The following TAS2R1 variants were observed in gnomAD, a reference collection of about 807,000 sequenced individuals.
TAS2R1 encodes the protein taste receptor type 2 member 1.
For synonymous variants in TAS2R1, 141 were observed against 134.2 expected, an observed-to-expected ratio of 1.05 and a Z score of -0.35; for missense variants, 370 against 353.4, an observed-to-expected ratio of 1.05 and a Z score of -0.38.
At chr5:9,736,321 C>A in the TAS2R1 span, among the ~76,000 whole-genome samples, 1 of 152,360 alleles carries the variant, frequency 6.6e-6, no homozygotes, top group East Asian at 1.9e-4. Context: ...AGCAGGACAG[C>A]GTCCCAGCCT....
chr5:9,716,847 G>A (rs77316696), upstream of TAS2R1, among the ~76,000 whole-genome samples: 1,007 of 152,262 alleles, frequency 6.6e-3, 12 homozygotes, highest in African/African-American at 0.022. Flanking sequence ...TTTAGAAGAC[G>A]AGGGTGAGCT....
intron 1 of TAS2R1, among the ~76,000 whole-genome samples, chr5:9,711,787 T>A (rs1487942113): frequency 6.6e-6 from 1 of 152,022 alleles, no homozygotes; most frequent in African/African-American, 2.4e-5. Context: ...CTCAGCCTCC[T>A]GAGTAGCTGG....
At chr5:9,853,838 G>A in the TAS2R1 span, among the ~76,000 whole-genome samples, 14 of 152,144 alleles carry the variant, frequency 9.2e-5, no homozygotes, top group African/African-American at 3.4e-4. Flanking sequence ...GCACATTTGA[G>A]AGCAATTATA....
the TAS2R1 span, among the ~76,000 whole-genome samples, chr5:9,790,256 A>T: frequency 6.6e-6 from 1 of 152,232 alleles, no homozygotes; most frequent in East Asian, 1.9e-4. Context: ...TGCTCCACTG[A>T]TAACACATTT....
chr5:9,693,344 A>G (rs542624508), intron 1 of TAS2R1, among the ~76,000 whole-genome samples: 1 of 152,062 alleles, frequency 6.6e-6, no homozygotes, highest in South Asian at 2.1e-4. Flanking sequence ...TAAAAATACA[A>G]AATTTTTAGT....
the TAS2R1 span, among the ~76,000 whole-genome samples, chr5:9,852,174 C>T: frequency 4.5e-3 from 680 of 152,202 alleles, 8 homozygotes; most frequent in African/African-American, 0.016. Flanking sequence ...AAGCCTTATC[C>T]TCTAGGAGGC....
chr5:9,640,512 A>C (rs1740056809), intron 2 of TAS2R1, among the ~76,000 whole-genome samples: 1 of 150,660 alleles, frequency 6.6e-6, no homozygotes, highest in South Asian at 2.1e-4. Context: ...AAAAAAAAAA[A>C]AAAAAAAAAA....
the TAS2R1 span, among the ~76,000 whole-genome samples, chr5:9,874,671 C>T: frequency 2.0e-5 from 3 of 152,156 alleles, no homozygotes; most frequent in East Asian, 1.9e-4. Context: ...TGTGAATCCC[C>T]GCGCTACAGG....
chr5:9,807,442 C>G, the TAS2R1 span, among the ~76,000 whole-genome samples: 2 of 152,174 alleles, frequency 1.3e-5, no homozygotes, highest in Non-Finnish European at 2.9e-5. Flanking sequence ...GAAAAAGATA[C>G]TTGCACATGC....
chr5:9,858,000 G>A, the TAS2R1 span, among the ~76,000 whole-genome samples: 1 of 152,128 alleles, frequency 6.6e-6, no homozygotes, highest in African/African-American at 2.4e-5. Context: ...GGGCTGGGGT[G>A]GGCATGAAGT....
At chr5:9,891,081 T>C in the TAS2R1 span, among the ~76,000 whole-genome samples, 1 of 152,312 alleles carries the variant, frequency 6.6e-6, no homozygotes, top group East Asian at 1.9e-4. Flanking sequence ...TAAAATCTCA[T>C]TCTCTCTCTA....
the TAS2R1 span, among the ~76,000 whole-genome samples, chr5:9,855,042 G>T: frequency 6.6e-6 from 1 of 152,356 alleles, no homozygotes; most frequent in Middle Eastern, 3.4e-3. Context: ...TACCAGAACA[G>T]CTAGCAACCC....
chr5:9,795,972 A>T, the TAS2R1 span, among the ~76,000 whole-genome samples: 1 of 152,140 alleles, frequency 6.6e-6, no homozygotes, highest in Non-Finnish European at 1.5e-5. Context: ...CCTCACCGAA[A>T]CATACTGACC....
chr5:9,767,238 C>A, the TAS2R1 span, among the ~76,000 whole-genome samples: 1 of 151,950 alleles, frequency 6.6e-6, no homozygotes, highest in African/African-American at 2.4e-5. Context: ...ATCCAGGCCC[C>A]AAATCTAGGA....
At chr5:9,663,116 A>G (rs1337526893) in intron 1 of TAS2R1, among the ~76,000 whole-genome samples, 1 of 152,216 alleles carries the variant, frequency 6.6e-6, no homozygotes, top group African/African-American at 2.4e-5. Flanking sequence ...ACTATAAAGC[A>G]TTATTATATA....
the TAS2R1 span, among the ~76,000 whole-genome samples, chr5:9,898,869 T>C: frequency 1.3e-5 from 2 of 152,294 alleles, no homozygotes; most frequent in Admixed American, 1.3e-4. Flanking sequence ...GCACCACCCA[T>C]TTCTTTCAAT....
chr5:9,752,712 C>T, the TAS2R1 span, among the ~76,000 whole-genome samples: 1 of 150,530 alleles, frequency 6.6e-6, no homozygotes, highest in Non-Finnish European at 1.5e-5. Context: ...CCCCACCCCA[C>T]AATAGGCCCC....
At chr5:9,748,328 G>T in the TAS2R1 span, among the ~76,000 whole-genome samples, 1 of 152,162 alleles carries the variant, frequency 6.6e-6, no homozygotes, top group African/African-American at 2.4e-5. Flanking sequence ...AAATTTATAA[G>T]ACCATAATCT....
At chr5:9,680,744 T>C (rs1469158500) in intron 1 of TAS2R1, among the ~76,000 whole-genome samples, 1 of 152,090 alleles carries the variant, frequency 6.6e-6, no homozygotes, top group Admixed American at 6.6e-5. Flanking sequence ...AACTGAGACA[T>C]GCCAATTAAA....
Sources: gnomAD v4.1 joint callset for allele counts (sites outside exome capture counted in the v4.1 genomes callset) on GRCh38, gnomAD v4.1.1 for gene constraint, MANE v1.5 for transcripts, NCBI Gene and HGNC (gene_info 2026-07-23, HGNC 2026-07-21) for gene names.